Variants in GPR39 observed in about 807,000 individuals in gnomAD.
The protein encoded by GPR39 is G protein-coupled receptor 39.
GPR39 carries 23 observed loss-of-function variants against 18.4 expected under a neutral mutation model. That is an observed-to-expected ratio of 1.25 (90% CI 0.90 to 1.77). The LOEUF is 1.77. Among genes scored for constraint, GPR39 ranks in the 40% most tolerant of loss-of-function variants. The pLI is 0.00. For synonymous variants in GPR39, 280 were observed against 257.9 expected (o/e 1.09, Z -0.82); for missense variants, 647 against 602.4 (o/e 1.07, Z -0.78).
chr2:132,626,099 C>CA (rs11428329), intron 1 of GPR39, among the ~76,000 whole-genome samples: 38,246 of 133,912 alleles, frequency 0.29, 4,978 homozygotes, highest in East Asian at 0.38. Flanking sequence ...GACTCCATCT[C>CA]AAAAAAAAAA....
chr2:132,488,807 C>A, intron 1 of GPR39: 1 of 174,436 alleles, frequency 5.7e-6, no homozygotes, highest in Non-Finnish European at 1.3e-5. Context: ...CACATCCCGC[C>A]TCACTGGTTT....
At position 132,645,378 on chromosome 2, in the gene GPR39, G is replaced by A. The variant is rs1320508328; in HGVS notation, c.1134G>A (p.Ala378=). ...ANHEKRLRVH[A]HSTTDSARFV... is the part of the protein sequence containing the mutation. ...ACGAGAAGCGCCTGCGCGTACATGC[G>A]CACTCCACCACCGACAGCGCCCGCT... Residue 378 remains alanine (A), a synonymous_variant, in exon 2 of 2, where the codon GCG becomes GCA. Transcript: ENST00000329321. 6.2e-7 allele frequency: 1 copy of A among 1,613,750 alleles called. No homozygotes were observed. Among genetic ancestry groups the A allele is most frequent in the Non-Finnish European group, 8.5e-7 (1 of 1,179,992 alleles).
chr2:132,600,141 C>T (rs1173594822), intron 1 of GPR39, among the ~76,000 whole-genome samples: 1 of 152,058 alleles, frequency 6.6e-6, no homozygotes. Flanking sequence ...ACAAAATGTC[C>T]CTGAACAACC....
chr2:132,534,056 A>G (rs1679695275), intron 1 of GPR39, among the ~76,000 whole-genome samples: 1 of 152,180 alleles, frequency 6.6e-6, no homozygotes, highest in Non-Finnish European at 1.5e-5. Flanking sequence ...TGAACAGACA[A>G]CCTACAGAAT....
chr2:132,621,875 G>A (rs1002121668), intron 1 of GPR39, among the ~76,000 whole-genome samples: 3 of 152,192 alleles, frequency 2.0e-5, no homozygotes, highest in Non-Finnish European at 4.4e-5. Flanking sequence ...AAGTAAGAAG[G>A]CATCTTCTCT....
At chr2:132,424,474 G>A (rs186969064) in intron 1 of GPR39, among the ~76,000 whole-genome samples, 1 of 152,242 alleles carries the variant, frequency 6.6e-6, no homozygotes, top group Non-Finnish European at 1.5e-5. Flanking sequence ...ATCCATCCTG[G>A]GTCCAGAGGA....
rs532622141 is a variant in GPR39, at chr2:132,481,838, T to C, written c.856+63940T>C. 5.8e-4 allele frequency among the ~76,000 whole-genome samples: 88 copies of C among 152,356 alleles called. No homozygotes were observed. In the South Asian group the frequency reaches 6.2e-3, roughly 11 times the overall value. ...GAGAAGAAGATGAAATTCACAGCAA[T>C]GCTCCAGCCTCAGCATGCCCTCCCA... On this transcript the variant is annotated intron_variant, in intron 1 of 1. Transcript: ENST00000329321.
At chr2:132,620,045 G>A (rs1681412690) in intron 1 of GPR39, among the ~76,000 whole-genome samples, 2 of 152,088 alleles carry the variant, frequency 1.3e-5, no homozygotes, top group Non-Finnish European at 2.9e-5. Context: ...CTCCTTAGCG[G>A]GGCTTTCAAG....
chr2:132,630,434 A>T (rs1223652356), intron 1 of GPR39, among the ~76,000 whole-genome samples: 4 of 152,204 alleles, frequency 2.6e-5, no homozygotes, highest in African/African-American at 4.8e-5. Context: ...GTTGGGTGTG[A>T]GGAGCAGGTA....
intron 1 of GPR39, among the ~76,000 whole-genome samples, chr2:132,578,531 A>G (rs1240480519): frequency 6.6e-6 from 1 of 152,122 alleles, no homozygotes; most frequent in African/African-American, 2.4e-5. Flanking sequence ...TTTAAATTGC[A>G]AATTTAATTT....
chr2:132,493,964 A>G (rs531211617), intron 1 of GPR39, among the ~76,000 whole-genome samples: 7 of 152,142 alleles, frequency 4.6e-5, no homozygotes, highest in African/African-American at 7.2e-5. Flanking sequence ...CCGATCAACT[A>G]AAGACTGAAA....
Position 132,645,154 on chromosome 2 carries a change from A to T in GPR39, c.910A>T (p.Ile304Phe). 6.2e-7 allele frequency: 1 copy of T among 1,614,064 alleles called. No homozygotes were observed. Among genetic ancestry groups the T allele is most frequent in the Non-Finnish European group, 8.5e-7 (1 of 1,180,006 alleles). Residue 304 changes from isoleucine to phenylalanine, a missense_variant, in exon 2 of 2, where the codon ATC (isoleucine) becomes TTC (phenylalanine). Transcript: ENST00000329321. The part of the protein sequence containing the change: ...VCWMPNQIRR[I>F]MAAAKPKHDW... ...CTGGATGCCCAACCAGATTCGGAGGATCATGGCTGCGGCCAAACCCAAGCA... is the reference window on the plus strand; with the variant it reads ...CTGGATGCCCAACCAGATTCGGAGGTTCATGGCTGCGGCCAAACCCAAGCA...
chr2:132,464,205 C>T (rs1447693841), intron 1 of GPR39, among the ~76,000 whole-genome samples: 2 of 152,138 alleles, frequency 1.3e-5, no homozygotes, highest in African/African-American at 4.8e-5. Context: ...AACGACATGC[C>T]CAACACTGAG....
intron 1 of GPR39, among the ~76,000 whole-genome samples, chr2:132,422,266 G>T (rs1393219893): frequency 6.6e-6 from 1 of 152,054 alleles, no homozygotes; most frequent in South Asian, 2.1e-4. Flanking sequence ...GGTCTAATTC[G>T]AGCAAATCTT....
At chr2:132,516,459 G>C (rs1054328583) in intron 1 of GPR39, among the ~76,000 whole-genome samples, 7 of 152,166 alleles carry the variant, frequency 4.6e-5, no homozygotes, top group African/African-American at 1.2e-4. Flanking sequence ...TGCCAAAAAT[G>C]ATAGAGGGTG....
chr2:132,486,237 A>G (rs1267228218), intron 1 of GPR39, among the ~76,000 whole-genome samples: 3 of 152,212 alleles, frequency 2.0e-5, no homozygotes, highest in South Asian at 2.1e-4. Context: ...TTGTTGTTCC[A>G]TTCATAGAAC....
intron 1 of GPR39, among the ~76,000 whole-genome samples, chr2:132,532,955 T>C (rs1679669576): frequency 6.6e-6 from 1 of 152,110 alleles, no homozygotes; most frequent in African/African-American, 2.4e-5. Context: ...ATGCCCTCTC[T>C]CACCACTCCT....
intron 1 of GPR39, among the ~76,000 whole-genome samples, chr2:132,499,756 A>G (rs377175355): frequency 2.1e-4 from 32 of 152,188 alleles, no homozygotes; most frequent in African/African-American, 7.5e-4. Context: ...AGTGTTTTGT[A>G]GTTTTTCCTT....
chr2:132,492,136 A>G (rs533146561), intron 1 of GPR39, among the ~76,000 whole-genome samples: 1 of 148,764 alleles, frequency 6.7e-6, no homozygotes, highest in East Asian at 2.0e-4. Flanking sequence ...ATATATACAT[A>G]CCATATATAT....
Sources: gnomAD v4.1 joint callset for allele counts (sites outside exome capture counted in the v4.1 genomes callset) on GRCh38, gnomAD v4.1.1 for gene constraint, MANE v1.5 for transcripts, NCBI Gene and HGNC (gene_info 2026-07-23, HGNC 2026-07-21) for gene names.